LRP2: variants seen among roughly 807,000 people sequenced by gnomAD.
LRP2 encodes the protein low-density lipoprotein receptor-related protein 2.
In LRP2, 172 loss-of-function variants were observed where a neutral mutation model predicts 531.0. The ratio of observed to expected loss-of-function variants is 0.32; its 90% confidence interval spans 0.29 to 0.37. LRP2 has a LOEUF of 0.37. Among genes scored for constraint, LRP2 ranks in the 10% least tolerant of loss-of-function variants. The pLI, the probability that LRP2 is intolerant of heterozygous loss-of-function variation, is 1.00. For synonymous variants in LRP2, 1,992 were observed against 2,027.6 expected, an observed-to-expected ratio of 0.98 and a Z score of 0.47; for missense variants, 5,167 against 5,868.3, an observed-to-expected ratio of 0.88 and a Z score of 3.90.
chr2:169,177,734 G>T, intron 53 of LRP2, 69 bp downstream of exon 53: 1 of 1,308,194 alleles, frequency 7.6e-7, no homozygotes, highest in Non-Finnish European at 1.1e-6. Flanking sequence ...CGAAGTTCAT[G>T]CTTAAAGACA....
intron 63 of LRP2, among the ~76,000 whole-genome samples, chr2:169,157,762 A>C (rs2105363655): frequency 6.6e-6 from 1 of 152,094 alleles, no homozygotes; most frequent in East Asian, 1.9e-4. Context: ...TCCTAGGCTT[A>C]TCCTCAGAGC....
intron 16 of LRP2, among the ~76,000 whole-genome samples, chr2:169,268,937 CA>C (rs1683315912): frequency 6.6e-6 from 1 of 152,150 alleles, no homozygotes; most frequent in African/African-American, 2.4e-5. Flanking sequence ...GCAAAAATCA[CA>C]AGCATTCCTA....
chr2:169,278,954 C>T (rs796207237), intron 12 of LRP2, among the ~76,000 whole-genome samples: 8 of 152,322 alleles, frequency 5.3e-5, no homozygotes, highest in African/African-American at 1.7e-4. Context: ...ATAGTTCCAA[C>T]CTCCATCTTT....
At chr2:169,321,038 T>C (rs1033119626) in intron 1 of LRP2, among the ~76,000 whole-genome samples, 154 bp from the exon 2 acceptor site, 1 of 152,218 alleles carries the variant, frequency 6.6e-6, no homozygotes, top group Non-Finnish European at 1.5e-5. Context: ...CCAATGATAA[T>C]ATAAAAATAT....
intron 76 of LRP2, among the ~76,000 whole-genome samples, chr2:169,135,535 G>T (rs1351564369): frequency 2.6e-5 from 4 of 152,232 alleles, no homozygotes; most frequent in Middle Eastern, 3.4e-3. Context: ...AGTTTCTCAG[G>T]CTCTTGGTAT....
At chr2:169,265,233 A>T (rs1690751924) in intron 16 of LRP2, among the ~76,000 whole-genome samples, 1 of 152,050 alleles carries the variant, frequency 6.6e-6, no homozygotes, top group South Asian at 2.1e-4. Flanking sequence ...ATGAAGGAAA[A>T]TGGAGGCATC....
chr2:169,278,183 C>G (rs1305033758), intron 12 of LRP2, among the ~76,000 whole-genome samples: 2 of 151,794 alleles, frequency 1.3e-5, no homozygotes, highest in Non-Finnish European at 2.9e-5. Flanking sequence ...ATATGGCAGT[C>G]TAAAAGTTCA....
At chr2:169,176,269 G>C (rs775231747) in intron 54 of LRP2, 142 bp downstream of exon 54, 139 of 862,938 alleles carry the variant, frequency 1.6e-4, no homozygotes, top group Non-Finnish European at 2.4e-4. Context: ...TGGAGGCTGA[G>C]AGTCTTGCTG....
rs745788682 is a variant in LRP2 at position 169,231,821 on chromosome 2, G to A, written c.5120C>T (p.Ser1707Phe). The A allele has an allele frequency of 3.5e-5, 57 of 1,613,984 alleles. No individual in the cohort carries two copies. The South Asian group carries it at 5.5e-4, about 16-fold the overall frequency. The change falls in exon 31 of 79, where the codon TCC becomes TTC. Residue 1707 changes from serine (S) to phenylalanine (F), a missense_variant. Transcript: ENST00000649046. ...QPNSVNPCAFSRCSHLCLLSS... is the reference protein window; with the variant it reads ...QPNSVNPCAFFRCSHLCLLSS... ...AAGCAGGCAGAGATGGCTGCAGCGG[G>A]AAAAGGCACATGGATTCACGGCTGC... is the stretch of plus-strand genomic sequence containing the variant.
intron 12 of LRP2, 46 bp downstream of exon 12, chr2:169,279,326 G>A (rs1335081053): frequency 4.9e-6 from 7 of 1,443,194 alleles, no homozygotes; most frequent in Non-Finnish European, 6.8e-6. Flanking sequence ...GAGGGAGAGA[G>A]AAAATTCTAA....
chr2:169,203,934 T>C, intron 42 of LRP2, 48 bp downstream of exon 42: 6 of 1,592,240 alleles, frequency 3.8e-6, no homozygotes, highest in Non-Finnish European at 5.2e-6. Context: ...CCAATTGGTA[T>C]TGTGATCATT....
chr2:169,186,454 A>G (rs1687639992), intron 49 of LRP2, among the ~76,000 whole-genome samples: 1 of 152,188 alleles, frequency 6.6e-6, no homozygotes. Context: ...TGAGCTCAAC[A>G]CTAGGTGCAA....
At chr2:169,289,709 G>A (rs1021713801) in intron 8 of LRP2, among the ~76,000 whole-genome samples, 1 of 152,178 alleles carries the variant, frequency 6.6e-6, no homozygotes, top group African/African-American at 2.4e-5. Context: ...GAACTCCCAA[G>A]TGACTGGAGC....
Position 169,236,005 on chromosome 2 carries a change from G to A in LRP2, c.4755C>T (p.Asp1585=), listed in dbSNP as rs141871628. The A allele has an allele frequency of 9.0e-5, 145 of 1,614,054 alleles. No individual in the cohort carries two copies. The highest frequency in any genetic ancestry group is 4.4e-4 in the South Asian group (40 of 91,088). Residue 1585 remains aspartate, a synonymous_variant, in exon 29 of 79, where the codon GAC becomes GAT. Coordinates refer to ENST00000649046, the MANE Select transcript of LRP2 (RefSeq NM_004525.3). ...GGACAATGACAGTGCGCATGCTGCC[G>A]TCCATGCTGGCTCGCTCGATGCGAG... The part of the protein sequence containing the change: ...HHPRIERASM[D]GSMRTVIVQD...
chr2:169,244,778 G>A lies in LRP2; in HGVS notation c.3345C>T (p.Thr1115=). Residue 1115 remains threonine (T), a synonymous_variant, in exon 22 of 79, where the codon ACC becomes ACT. Coordinates refer to ENST00000649046, the MANE Select transcript of LRP2 (RefSeq NM_004525.3). Reference sequence around the variant, plus strand: ...TTGAGATACACTGGTGATTATCACAGGTGTATTGGGTGTCAAGGCAGGAAG... The same window carrying A: ...TTGAGATACACTGGTGATTATCACAAGTGTATTGGGTGTCAAGGCAGGAAG... ...APASCLDTQY[T]CDNHQCISKN... 1 of 1,614,180 alleles carries A rather than the reference G, an allele frequency of 6.2e-7. No individual in the cohort carries two copies. The highest frequency in any genetic ancestry group is 8.5e-7 in the Non-Finnish European group (1 of 1,179,974).
Position 169,173,137 on chromosome 2 carries a change from C to A in LRP2, c.11102G>T (p.Gly3701Val). The change falls in exon 57 of 79, where the codon GGT becomes GTT. Residue 3701 changes from glycine (G) to valine (V), a missense_variant. Coordinates refer to ENST00000649046, the MANE Select transcript of LRP2 (RefSeq NM_004525.3). ...RCIPKWAVCN[G>V]VDDCRDNSDE... ...ACTGTTGTCCCTGCAGTCATCTACA[C>A]CATTGCACACGGCCCACTTTGGGAT... 1.9e-6 allele frequency: 3 copies of A among 1,614,212 alleles called. No individual in the cohort carries two copies. Among genetic ancestry groups the A allele is most frequent in the Non-Finnish European group, 2.5e-6 (3 of 1,180,034 alleles).
At chr2:169,157,283 A>G in intron 64 of LRP2, 88 bp downstream of exon 64, 1 of 1,355,046 alleles carries the variant, frequency 7.4e-7, no homozygotes, top group Non-Finnish European at 1.0e-6. Flanking sequence ...AAGGGAATTA[A>G]ATAGTGATTT....
chr2:169,290,842 C>T lies in LRP2; in HGVS notation c.922+3G>A. 1 of 1,613,894 alleles carries T rather than the reference C, an allele frequency of 6.2e-7. No individual in the cohort carries two copies. ...AGCTACCCAGGTAAATGTCTATACTCACTACAGTATTTTCCGGTACTAGTG... is the reference window on the plus strand; with the variant it reads ...AGCTACCCAGGTAAATGTCTATACTTACTACAGTATTTTCCGGTACTAGTG... On this transcript the variant is annotated splice_donor_region_variant and intron_variant, in intron 8 of 78. Transcript: ENST00000649046.
chr2:169,241,819 A>C (rs1455196139), intron 24 of LRP2, among the ~76,000 whole-genome samples: 1 of 152,212 alleles, frequency 6.6e-6, no homozygotes, highest in Non-Finnish European at 1.5e-5. Context: ...CAGATGAACT[A>C]TACCTAATGA....
Sources: gnomAD v4.1 joint callset for allele counts (sites outside exome capture counted in the v4.1 genomes callset) on GRCh38, gnomAD v4.1.1 for gene constraint, MANE v1.5 for transcripts, NCBI Gene and HGNC (gene_info 2026-07-23, HGNC 2026-07-21) for gene names.